The following PDZD9 variants were observed in gnomAD, a reference collection of about 807,000 sequenced individuals.
PDZD9 encodes PDZ domain-containing protein 9.
PDZD9 carries 13 observed loss-of-function variants against 16.3 expected under a neutral mutation model. The observed-to-expected ratio is 0.80, with a 90% CI of 0.52 to 1.27. The LOEUF (loss-of-function observed/expected upper bound fraction) is 1.27. PDZD9 is among the 50% of genes most tolerant of loss of function. The probability of loss-of-function intolerance (pLI) is 0.00; values close to 1 mark genes in which losing one functional copy is unlikely to be tolerated. For synonymous variants in PDZD9, 120 were observed against 111.0 expected (o/e 1.08, Z -0.51); for missense variants, 288 against 310.9 (o/e 0.93, Z 0.55).
chr16:21,996,972 G>A (rs1327016280), intron 1 of PDZD9, among the ~76,000 whole-genome samples: 2 of 152,224 alleles, frequency 1.3e-5, no homozygotes, highest in East Asian at 3.9e-4. Flanking sequence ...ACTGGCATGT[G>A]CTACTATACA....
chr16:21,965,353 AT>A, the PDZD9 span: 1 of 1,552,878 alleles, frequency 6.4e-7, no homozygotes, highest in South Asian at 1.1e-5. Flanking sequence ...GGTTTTAAAA[AT>A]GTTGTCTTTA....
chr16:21,996,220 C>T (rs1899144453), intron 2 of PDZD9, 102 bp downstream of exon 2: 2 of 1,316,144 alleles, frequency 1.5e-6, no homozygotes, highest in Non-Finnish European at 2.0e-6. Flanking sequence ...GCCAGCATGC[C>T]CGTCATATCC....
the PDZD9 span, among the ~76,000 whole-genome samples, chr16:21,970,371 T>G: frequency 6.6e-6 from 1 of 152,178 alleles, no homozygotes; most frequent in Non-Finnish European, 1.5e-5. Context: ...TGCCAGACTG[T>G]TTTCCAAAGT....
the PDZD9 span, among the ~76,000 whole-genome samples, chr16:21,964,381 C>T: frequency 6.6e-6 from 1 of 152,102 alleles, no homozygotes; most frequent in Admixed American, 6.5e-5. Flanking sequence ...ATCTCCCACA[C>T]GGCCATTACA....
intron 3 of PDZD9, among the ~76,000 whole-genome samples, chr16:21,985,042 C>G (rs1044353931): frequency 2.0e-5 from 3 of 152,158 alleles, no homozygotes; most frequent in African/African-American, 7.2e-5. Flanking sequence ...CACAACATTA[C>G]TGATTTCCAG....
the PDZD9 span, among the ~76,000 whole-genome samples, chr16:21,967,593 G>A: frequency 6.6e-5 from 10 of 152,214 alleles, no homozygotes; most frequent in Admixed American, 2.6e-4. Flanking sequence ...TCTTCAGATC[G>A]CCTGAGTGGT....
chr16:21,981,639 C>G (rs186062309), downstream of PDZD9, among the ~76,000 whole-genome samples: 214 of 151,766 alleles, frequency 1.4e-3, no homozygotes, highest in African/African-American at 4.6e-3. Flanking sequence ...CCTGTAGTCC[C>G]AGCTACTCAG....
intron 2 of PDZD9, among the ~76,000 whole-genome samples, chr16:21,990,334 G>A (rs1898992773): frequency 6.6e-6 from 1 of 152,068 alleles, no homozygotes; most frequent in African/African-American, 2.4e-5. Context: ...GAAGAAAAGG[G>A]TCAAGAAGTG....
the PDZD9 span, chr16:21,972,107 T>G: frequency 6.2e-7 from 1 of 1,613,586 alleles, no homozygotes. Flanking sequence ...CCAAGGCAAC[T>G]CAGCAGCCAT....
At chr16:21,972,422 A>C in the PDZD9 span, among the ~76,000 whole-genome samples, 1 of 152,188 alleles carries the variant, frequency 6.6e-6, no homozygotes. Flanking sequence ...ACTTTCCCCT[A>C]GATTCTAACT....
chr16:21,990,600 G>A (rs1309300535), intron 2 of PDZD9, among the ~76,000 whole-genome samples: 1 of 152,190 alleles, frequency 6.6e-6, no homozygotes. Flanking sequence ...TGCAGCTTGA[G>A]CAATATGAAA....
intron 2 of PDZD9, among the ~76,000 whole-genome samples, chr16:21,994,999 G>C (rs925632442): frequency 6.6e-6 from 1 of 151,890 alleles, no homozygotes; most frequent in East Asian, 1.9e-4. Flanking sequence ...GGCTGCTTTC[G>C]TTTTGTTGTA....
At chr16:21,972,709 C>T in the PDZD9 span, among the ~76,000 whole-genome samples, 9 of 152,120 alleles carry the variant, frequency 5.9e-5, 1 homozygote, top group Admixed American at 5.9e-4. Context: ...ACCCCCATCT[C>T]TCCTAATCCA....
At chr16:21,978,402 T>C in the PDZD9 span, among the ~76,000 whole-genome samples, 1 of 152,222 alleles carries the variant, frequency 6.6e-6, no homozygotes, top group African/African-American at 2.4e-5. Flanking sequence ...ACACCATGTC[T>C]ATAAGTAATA....
chr16:21,974,919 C>T, the PDZD9 span, among the ~76,000 whole-genome samples: 2 of 151,950 alleles, frequency 1.3e-5, no homozygotes, highest in African/African-American at 2.4e-5. Flanking sequence ...TTTTGACAGA[C>T]GTGAGAGGAA....
chr16:21,972,690 C>T, the PDZD9 span, among the ~76,000 whole-genome samples: 7 of 152,224 alleles, frequency 4.6e-5, 1 homozygote, highest in Middle Eastern at 0.01. Context: ...GCCTGGCCAA[C>T]GTGGTGAAAC....
downstream of PDZD9, among the ~76,000 whole-genome samples, chr16:21,982,025 A>G (rs1898742508): frequency 6.6e-6 from 1 of 151,650 alleles, no homozygotes. Flanking sequence ...TATTTTTAGT[A>G]GAGACGGGGT....
chr16:21,958,616 A>G, the PDZD9 span: 1 of 1,601,986 alleles, frequency 6.2e-7, no homozygotes, highest in East Asian at 2.2e-5. Flanking sequence ...TAAATAAGTA[A>G]TAGAAAATAG....
chr16:21,977,752 C>T, the PDZD9 span, among the ~76,000 whole-genome samples: 40 of 152,332 alleles, frequency 2.6e-4, no homozygotes, highest in African/African-American at 8.9e-4. Context: ...TCGTTATGAT[C>T]ATTTAGTATT....
Sources: allele counts gnomAD v4.1 joint callset (sites outside exome capture counted in the v4.1 genomes callset), GRCh38; gene constraint gnomAD v4.1.1; transcripts MANE v1.5; gene names NCBI Gene and HGNC (gene_info 2026-07-23, HGNC 2026-07-21).